Variants in LAPTM4B observed in about 807,000 individuals in gnomAD.
LAPTM4B encodes the protein lysosomal-associated transmembrane protein 4B.
Under a neutral mutation model 28.5 loss-of-function variants are expected in LAPTM4B, and 26 were observed. That is an observed-to-expected ratio of 0.91 (90% confidence interval 0.67 to 1.27). LAPTM4B has a LOEUF of 1.27. Among genes scored for constraint, LAPTM4B ranks in the 50% most tolerant of loss-of-function variants. The pLI, the probability that LAPTM4B is intolerant of heterozygous loss-of-function variation, is 0.00. For synonymous variants in LAPTM4B, 109 were observed against 106.4 expected, an observed-to-expected ratio of 1.02 and a Z score of -0.15; for missense variants, 288 against 285.8, an observed-to-expected ratio of 1.01 and a Z score of -0.06.
At chr8:97,827,939 C>A (rs1359778196) in intron 6 of LAPTM4B, among the ~76,000 whole-genome samples, 1 of 152,088 alleles carries the variant, frequency 6.6e-6, no homozygotes, top group African/African-American at 2.4e-5. Context: ...GAGTCTGTTA[C>A]AATGGTAGAA....
At chr8:97,824,461 C>T (rs1034588797) in intron 5 of LAPTM4B, among the ~76,000 whole-genome samples, 11 of 152,082 alleles carry the variant, frequency 7.2e-5, no homozygotes, top group Admixed American at 3.9e-4. Context: ...AAACATCTCC[C>T]GTGAACTCAT....
chr8:97,826,578 G>A (rs866064527), intron 6 of LAPTM4B, among the ~76,000 whole-genome samples: 89 of 145,702 alleles, frequency 6.1e-4, no homozygotes, highest in African/African-American at 1.6e-3. Flanking sequence ...GTGTGATCTC[G>A]TCTCACTGCA....
At chr8:97,849,798 C>G (rs1301922374) in intron 6 of LAPTM4B, among the ~76,000 whole-genome samples, 4 of 151,754 alleles carry the variant, frequency 2.6e-5, no homozygotes, top group East Asian at 1.9e-4. Context: ...CGCCACCCCC[C>G]CTCCTCCACC....
chr8:97,812,023 C>A (rs1816836685), intron 2 of LAPTM4B, among the ~76,000 whole-genome samples: 1 of 151,872 alleles, frequency 6.6e-6, no homozygotes, highest in South Asian at 2.1e-4. Flanking sequence ...CCAAGTTGGT[C>A]TTGAACTCCT....
chr8:97,839,606 A>G (rs1040532609), intron 6 of LAPTM4B, among the ~76,000 whole-genome samples: 2 of 152,184 alleles, frequency 1.3e-5, no homozygotes, highest in Admixed American at 1.3e-4. Context: ...GAGCACTTGT[A>G]AACGTTAGGA....
At chr8:97,815,226 G>A (rs2129790426) in intron 2 of LAPTM4B, 102 bp from the exon 3 acceptor site, 1 of 786,666 alleles carries the variant, frequency 1.3e-6, no homozygotes, top group Non-Finnish European at 2.2e-6. Context: ...CTAACTTTAT[G>A]CTAGTTTATT....
At position 97,847,241 on chromosome 8, in the gene LAPTM4B, C is replaced by A. The variant is rs527442562; in HGVS notation, c.604-4156C>A. 4.1e-4 allele frequency among the ~76,000 whole-genome samples: 63 copies of A among 152,286 alleles called. No individual in the cohort carries two copies. In the Middle Eastern group the frequency reaches 0.014, roughly 33 times the overall value. ...TTCCGTAGCTGAACTCATGTTAAAACCAACTGGAAGAAACTGAACTTAGAT... is the reference window on the plus strand; with the variant it reads ...TTCCGTAGCTGAACTCATGTTAAAAACAACTGGAAGAAACTGAACTTAGAT... On this transcript the variant is annotated intron_variant, in intron 6 of 6. Coordinates refer to ENST00000521545, the MANE Select transcript of LAPTM4B (RefSeq NM_018407.6).
At chr8:97,814,596 G>A (rs2129789081) in intron 2 of LAPTM4B, among the ~76,000 whole-genome samples, 1 of 152,284 alleles carries the variant, frequency 6.6e-6, no homozygotes, top group South Asian at 2.1e-4. Context: ...CTTAGAGCAA[G>A]CAAGAGAGTG....
At chr8:97,809,109 G>GTACCAGCTA (rs1816793321) in intron 2 of LAPTM4B, among the ~76,000 whole-genome samples, 1 of 152,180 alleles carries the variant, frequency 6.6e-6, no homozygotes, top group Non-Finnish European at 1.5e-5. Flanking sequence ...GTACCAGCAA[G>GTACCAGCTA]CCTTTCAGGG....
In LAPTM4B at chr8:97,775,905, C is replaced by T; in HGVS notation, c.-105C>T. ...GGCGCACGGGCGAGCGGGCCGGGAG[C>T]CGGAGCGGCGGAGGAGCCGGCAGCA... On this transcript the variant is annotated 5_prime_UTR_variant, in exon 1 of 7. Transcript: ENST00000521545. The T allele has an allele frequency of 1.4e-6, 2 of 1,449,132 alleles. No individual in the cohort carries two copies. The highest frequency in any genetic ancestry group is 1.4e-5 in the South Asian group (1 of 72,538). The allele number at this position is 1,449,132 out of a possible 1,614,324, so 89.8% of individuals were successfully genotyped here. A position where few individuals can be genotyped will look rare whatever the true frequency, so the allele number is the denominator to read the frequency against.
At chr8:97,790,982 G>T (rs1816487849) in intron 1 of LAPTM4B, among the ~76,000 whole-genome samples, 1 of 152,134 alleles carries the variant, frequency 6.6e-6, no homozygotes, top group Admixed American at 6.5e-5. Flanking sequence ...ACGCCTCATT[G>T]CAACCTCGGA....
At chr8:97,838,022 A>G (rs555269400) in intron 6 of LAPTM4B, among the ~76,000 whole-genome samples, 9 of 152,342 alleles carry the variant, frequency 5.9e-5, no homozygotes, top group African/African-American at 1.4e-4. Flanking sequence ...TAAAATTGCA[A>G]ATAAGCTGAG....
chr8:97,847,066 A>G (rs547876058), intron 6 of LAPTM4B, among the ~76,000 whole-genome samples: 84 of 152,288 alleles, frequency 5.5e-4, no homozygotes, highest in African/African-American at 1.8e-3. Context: ...TCTTTCCCAC[A>G]TGTTATGTAG....
intron 6 of LAPTM4B, among the ~76,000 whole-genome samples, chr8:97,836,065 T>C (rs1251623303): frequency 1.3e-5 from 2 of 152,190 alleles, no homozygotes; most frequent in Non-Finnish European, 2.9e-5. Context: ...GAAACCATCA[T>C]CACACAGCCC....
At chr8:97,813,087 T>A (rs1563611282) in intron 2 of LAPTM4B, among the ~76,000 whole-genome samples, 1 of 152,220 alleles carries the variant, frequency 6.6e-6, no homozygotes, top group Non-Finnish European at 1.5e-5. Flanking sequence ...TTAAGGAAGT[T>A]TATTAAGGAG....
chr8:97,831,682 G>GT (rs1563618902), intron 6 of LAPTM4B, among the ~76,000 whole-genome samples: 2 of 152,186 alleles, frequency 1.3e-5, no homozygotes, highest in Non-Finnish European at 2.9e-5. Context: ...GAAAGGACTG[G>GT]TAGAACAGGT....
chr8:97,843,114 C>A (rs1208693992), intron 6 of LAPTM4B, among the ~76,000 whole-genome samples: 1 of 152,052 alleles, frequency 6.6e-6, no homozygotes, highest in Non-Finnish European at 1.5e-5. Flanking sequence ...CTTTTGACCT[C>A]AAGCAATTCT....
Position 97,812,166 on chromosome 8 carries a change from A to G in LAPTM4B, c.212-3162A>G, listed in dbSNP as rs568506594. On this transcript the variant is annotated intron_variant, in intron 2 of 6. Transcript: ENST00000521545. ...TTTCAAAAAAAGTAGCATACTCTAC[A>G]TCTTGACTTTTTTTTAAAGGATAAG... 1.1e-3 allele frequency among the ~76,000 whole-genome samples: 168 copies of G among 149,978 alleles called. 1 individual carries two copies. Among genetic ancestry groups the G allele is most frequent in the Middle Eastern group, 7.0e-3 (2 of 284 alleles).
chr8:97,812,206 G>GTTTTT lies in LAPTM4B; in HGVS notation c.212-3116_212-3112dup, dbSNP rs144651693. ...TAAAGGATAAGTAAATTAATTATTT[G>GTTTTT]TTTTTTTTTTGTTGTTTTTTGTTTT... On this transcript the variant is annotated intron_variant, in intron 2 of 6. Coordinates refer to ENST00000521545, the MANE Select transcript of LAPTM4B (RefSeq NM_018407.6). Among the ~76,000 whole-genome samples the GTTTTT allele has an allele frequency of 5.5e-4, 43 of 78,330 alleles. 1 individual carries two copies. The highest frequency in any genetic ancestry group is 1.1e-3 in the Non-Finnish European group (38 of 34,760). 51.4% of individuals were successfully genotyped at this position (78,330 alleles called of 152,430 possible).
Sources: gnomAD v4.1 joint callset for allele counts (sites outside exome capture counted in the v4.1 genomes callset) on GRCh38, gnomAD v4.1.1 for gene constraint, MANE v1.5 for transcripts, NCBI Gene and HGNC (gene_info 2026-07-23, HGNC 2026-07-21) for gene names.